C16orf46: variants seen among roughly 807,000 people sequenced by gnomAD.
C16orf46 encodes uncharacterized protein C16orf46.
In C16orf46, 7 loss-of-function variants were observed where a neutral mutation model predicts 5.5. That is an observed-to-expected ratio of 1.28 (90% CI 0.73 to 2.40). C16orf46 has a LOEUF of 2.40. C16orf46 is among the 30% of genes most tolerant of loss of function. The probability of loss-of-function intolerance (pLI) is 0.00; values close to 1 mark genes in which losing one functional copy is unlikely to be tolerated. For synonymous variants in C16orf46, 200 were observed against 184.1 expected, an observed-to-expected ratio of 1.09 and a Z score of -0.70; for missense variants, 614 against 476.0, an observed-to-expected ratio of 1.29 and a Z score of -2.70.
chr16:81,075,757 T>C (rs1474756376), intron 1 of C16orf46, among the ~76,000 whole-genome samples: 4 of 152,240 alleles, frequency 2.6e-5, no homozygotes, highest in Admixed American at 1.3e-4. Flanking sequence ...TCTGTCTATA[T>C]AGTCAGATTA....
chr16:81,075,958 C>G (rs1413182544), intron 1 of C16orf46, among the ~76,000 whole-genome samples: 1 of 152,160 alleles, frequency 6.6e-6, no homozygotes, highest in African/African-American at 2.4e-5. Flanking sequence ...CTCATTGGCT[C>G]TCCACTGTGC....
At chr16:81,064,104 C>A in intron 2 of C16orf46, 111 bp from the exon 3 acceptor site, 1 of 605,250 alleles carries the variant, frequency 1.7e-6, no homozygotes, top group Non-Finnish European at 2.8e-6. Context: ...ATATGGCCGG[C>A]CGCGGTGGCT....
At chr16:81,069,273 G>C (rs1245592209) in intron 1 of C16orf46, among the ~76,000 whole-genome samples, 1 of 152,110 alleles carries the variant, frequency 6.6e-6, no homozygotes, top group East Asian at 1.9e-4. Context: ...GCAGTAACAA[G>C]CAGCCCTATC....
chr16:81,056,606 G>C (rs1318036025), downstream of C16orf46, among the ~76,000 whole-genome samples: 1 of 149,530 alleles, frequency 6.7e-6, no homozygotes, highest in African/African-American at 2.5e-5. Flanking sequence ...TGAGGCAGGA[G>C]AATCACTTGA....
rs376500530 is a variant in C16orf46, at chr16:81,061,912, G to C, written c.437C>G (p.Ala146Gly). 6.2e-7 allele frequency: 1 copy of C among 1,614,174 alleles called. No homozygotes were observed. Among genetic ancestry groups the C allele is most frequent in the Non-Finnish European group, 8.5e-7 (1 of 1,180,030 alleles). Reference protein sequence around the residue: ...APQGPSTASRAISDICFPTYF... With the variant: ...APQGPSTASRGISDICFPTYF... ...GGTGGGAAAGCAGATGTCGCTAATT[G>C]CCCTGGAAGCAGTGCTGGGGCCCTG... The change falls in exon 4 of 4, where the codon GCA becomes GGA. Residue 146 changes from alanine (A) to glycine (G), a missense_variant. By Grantham distance (60) the Ala-to-Gly change is moderately conservative. Transcript: ENST00000299578.
intron 2 of C16orf46, among the ~76,000 whole-genome samples, chr16:81,065,693 G>C (rs1971631975): frequency 6.6e-6 from 1 of 152,126 alleles, no homozygotes; most frequent in African/African-American, 2.4e-5. Context: ...CTTTCTCTCA[G>C]CCAGACGTGA....
Position 81,061,989 on chromosome 16 carries a change from C to G in C16orf46, c.360G>C (p.Glu120Asp), listed in dbSNP as rs1184997773. Residue 120 changes from glutamate to aspartate, a missense_variant, in exon 4 of 4, where the codon GAG (glutamate) becomes GAC (aspartate). Transcript: ENST00000299578. Reference protein sequence around the residue: ...HWSLQTKPPTEGGPEKDQSSP... With the variant: ...HWSLQTKPPTDGGPEKDQSSP... ...TGCTCTGATCCTTCTCTGGGCCCCC[C>G]TCAGTAGGAGGCTTGGTCTGGAGGC... The G allele has an allele frequency of 1.9e-6, 3 of 1,614,146 alleles. No individual in the cohort carries two copies. Among genetic ancestry groups the G allele is most frequent in the South Asian group, 2.2e-5 (2 of 91,088 alleles).
intron 1 of C16orf46, among the ~76,000 whole-genome samples, chr16:81,070,953 CTCT>C (rs947542689): frequency 6.6e-6 from 1 of 152,174 alleles, no homozygotes; most frequent in Non-Finnish European, 1.5e-5. Context: ...GGGGCACAGA[CTCT>C]TCTTCTGTAT....
intron 1 of C16orf46, among the ~76,000 whole-genome samples, chr16:81,075,322 G>A (rs898468865): frequency 1.3e-5 from 2 of 151,814 alleles, no homozygotes; most frequent in Admixed American, 6.6e-5. Context: ...AAGCACGGTA[G>A]CTCACACCAA....
At chr16:81,060,914 G>C, downstream of C16orf46, 1 of 1,177,534 alleles carries the variant, frequency 8.5e-7, no homozygotes, top group Non-Finnish European at 1.1e-6. Flanking sequence ...TTTGTGAATG[G>C]CTAAGTAGCA....
intron 3 of C16orf46, among the ~76,000 whole-genome samples, chr16:81,054,811 C>A (rs1971248827): frequency 6.6e-6 from 1 of 150,654 alleles, no homozygotes; most frequent in Admixed American, 6.6e-5. Flanking sequence ...ACCACGCCCC[C>A]TAATTTTTCT....
chr16:81,061,364 T>A lies in C16orf46; in HGVS notation c.985A>T (p.Lys329Ter). Residue 329 changes from lysine (K) to a stop codon, truncating the protein, a stop_gained, in exon 4 of 4, where the codon AAA becomes TAA. Transcript: ENST00000299578. LOFTEE classifies it low-confidence loss of function (END_TRUNC). ...GATTTGTAGCTTTGCACTCCCCGTT[T>A]CTGCAGAAGCTGCAAGGCAGCAAGG... is the stretch of plus-strand genomic sequence containing the variant. ...RYLAALQLLQ[K>*]RGVQSYKSKF... is the part of the protein sequence containing the mutation. The A allele has an allele frequency of 3.1e-6, 5 of 1,614,182 alleles. No homozygotes were observed. In the South Asian group the frequency reaches 5.5e-5, roughly 18 times the overall value.
chr16:81,053,883 G>A (rs12927239), exon 4 of C16orf46: 70,570 of 559,858 alleles, frequency 0.13, 6,414 homozygotes, highest in African/African-American at 0.33. Context: ...GCGAGCCGAT[G>A]ACCATGGCAG....
downstream of C16orf46, among the ~76,000 whole-genome samples, chr16:81,058,571 C>A (rs941421898): frequency 6.6e-6 from 1 of 152,158 alleles, no homozygotes; most frequent in Admixed American, 6.6e-5. Context: ...TTCTGAGAAC[C>A]CATTAAAGAG....
At chr16:81,053,863 A>T in exon 4 of C16orf46, 2 of 519,174 alleles carry the variant, frequency 3.9e-6, no homozygotes, top group Non-Finnish European at 6.9e-6. Flanking sequence ...GGTTGGGGAG[A>T]CCTAAAAGAG....
chr16:81,066,526 T>C (rs1422405721), intron 1 of C16orf46, among the ~76,000 whole-genome samples: 2 of 152,096 alleles, frequency 1.3e-5, no homozygotes, highest in Non-Finnish European at 2.9e-5. Context: ...AACTGTCGAG[T>C]TTTATTACCC....
intron 1 of C16orf46, among the ~76,000 whole-genome samples, chr16:81,073,326 G>A (rs984922497): frequency 2.0e-5 from 3 of 152,160 alleles, no homozygotes; most frequent in Admixed American, 6.6e-5. Context: ...TTAATTCTAA[G>A]ATACAACTCT....
At chr16:81,056,238 G>A (rs1971291917), downstream of C16orf46, 1 of 152,144 alleles carries the variant, frequency 6.6e-6, no homozygotes, top group Non-Finnish European at 1.5e-5. Flanking sequence ...CTGAATAATG[G>A]CAGTAAATGT....
At chr16:81,062,309 T>G (rs903256454) in intron 3 of C16orf46, among the ~76,000 whole-genome samples, 171 bp from the exon 4 acceptor site, 1 of 149,550 alleles carries the variant, frequency 6.7e-6, no homozygotes, top group South Asian at 2.1e-4. Flanking sequence ...TTCATTCACT[T>G]AAAAAAAAAA....
Sources: gnomAD v4.1 joint callset for allele counts (sites outside exome capture counted in the v4.1 genomes callset) on GRCh38, gnomAD v4.1.1 for gene constraint, MANE v1.5 for transcripts, NCBI Gene and HGNC (gene_info 2026-07-23, HGNC 2026-07-21) for gene names.